Variants in ANKS1B observed in about 807,000 individuals in gnomAD.
ANKS1B encodes the protein ankyrin repeat and sterile alpha motif domain containing 1B, also known as ankyrin repeat and sterile alpha motif domain-containing protein 1B.
In ANKS1B, 36 loss-of-function variants were observed where a neutral mutation model predicts 148.3. The observed-to-expected ratio is 0.24, with a 90% CI of 0.19 to 0.32. The LOEUF (loss-of-function observed/expected upper bound fraction) is 0.32, where lower values mean the gene tolerates loss of function less well. Among genes scored for constraint, ANKS1B ranks in the 10% least tolerant of loss-of-function variants. ANKS1B has a pLI of 1.00. For missense variants in ANKS1B, 1,157 were observed against 1,542.6 expected (o/e 0.75, Z 4.19); for synonymous variants, 542 against 560.8 (o/e 0.97, Z 0.47).
chr12:99,938,664 G>A (rs2094840229), intron 1 of ANKS1B, among the ~76,000 whole-genome samples: 2 of 152,228 alleles, frequency 1.3e-5, no homozygotes, highest in Admixed American at 1.3e-4. Context: ...AACCAGAGTT[G>A]GTCACACAGC....
At chr12:99,018,395 A>G (rs930370857) in intron 17 of ANKS1B, among the ~76,000 whole-genome samples, 9 of 152,242 alleles carry the variant, frequency 5.9e-5, no homozygotes, top group South Asian at 4.1e-4. Flanking sequence ...GATTGAGACA[A>G]TCAAATATGG....
chr12:99,211,106 T>G (rs764790989), intron 14 of ANKS1B, among the ~76,000 whole-genome samples: 5 of 152,214 alleles, frequency 3.3e-5, no homozygotes, highest in Non-Finnish European at 7.3e-5. Context: ...AATGGCATGT[T>G]GACTTCAGAA....
In ANKS1B at chr12:99,631,881, AG is replaced by A. The variant is rs369323145; in HGVS notation, c.1272+23185del. 1.2e-4 allele frequency among the ~76,000 whole-genome samples: 19 copies of A among 152,350 alleles called. No individual in the cohort carries two copies. In the South Asian group the frequency reaches 2.1e-3, roughly 17 times the overall value. ...ACATAAAGAATGAAAAAATGTGTTC[AG>A]GAGAGGAAACCAAGGGTGTAGCCCA... On this transcript the variant is annotated intron_variant, in intron 9 of 26. Coordinates refer to ENST00000683438, the MANE Select transcript of ANKS1B (RefSeq NM_001352186.2).
chr12:99,542,819 T>C (rs917115355), intron 9 of ANKS1B, among the ~76,000 whole-genome samples: 16 of 151,998 alleles, frequency 1.1e-4, no homozygotes, highest in Admixed American at 9.8e-4. Context: ...CTACCTCATA[T>C]AATGTACAAA....
At chr12:99,145,847 T>G (rs2072876540) in intron 15 of ANKS1B, among the ~76,000 whole-genome samples, 1 of 152,166 alleles carries the variant, frequency 6.6e-6, no homozygotes, top group Non-Finnish European at 1.5e-5. Flanking sequence ...CTGCTGGCAA[T>G]TTTTTTAACC....
intron 16 of ANKS1B, among the ~76,000 whole-genome samples, chr12:99,060,566 T>A (rs2042057940): frequency 6.6e-6 from 1 of 152,006 alleles, no homozygotes; most frequent in Non-Finnish European, 1.5e-5. Context: ...TATTTTCTCT[T>A]AACTTTTTAG....
chr12:99,062,167 T>C (rs1159779506), intron 16 of ANKS1B, among the ~76,000 whole-genome samples: 1 of 152,208 alleles, frequency 6.6e-6, no homozygotes, highest in Non-Finnish European at 1.5e-5. Context: ...TTATTAGCTA[T>C]CTGACCTCGA....
chr12:99,270,249 C>T (rs1007111186), intron 12 of ANKS1B, among the ~76,000 whole-genome samples: 8 of 152,098 alleles, frequency 5.3e-5, no homozygotes, highest in African/African-American at 1.9e-4. Context: ...AATTGAAATG[C>T]TTTGCTCTTT....
intron 8 of ANKS1B, among the ~76,000 whole-genome samples, chr12:99,740,020 CTAGTCGG>C (rs770217706): frequency 8.5e-5 from 13 of 152,286 alleles, no homozygotes; most frequent in Non-Finnish European, 1.3e-4. Flanking sequence ...CACATAAGAA[CTAGTCGG>C]TAGCCAGGAA....
At chr12:99,031,672 C>A (rs558423107) in intron 17 of ANKS1B, among the ~76,000 whole-genome samples, 2 of 152,176 alleles carry the variant, frequency 1.3e-5, no homozygotes, top group Non-Finnish European at 2.9e-5. Context: ...AGCCACTCTG[C>A]AGTCATGAGG....
At chr12:99,753,542 T>C (rs2061303019) in intron 8 of ANKS1B, among the ~76,000 whole-genome samples, 1 of 152,096 alleles carries the variant, frequency 6.6e-6, no homozygotes, top group Non-Finnish European at 1.5e-5. Flanking sequence ...CTGGTAACAG[T>C]CTTTCCTTTT....
chr12:99,423,152 A>T (rs2095146195), intron 11 of ANKS1B, among the ~76,000 whole-genome samples: 1 of 152,190 alleles, frequency 6.6e-6, no homozygotes, highest in Non-Finnish European at 1.5e-5. Flanking sequence ...AACTGGAGAA[A>T]TTTAGGTCTG....
At chr12:99,101,285 C>T (rs569942040) in intron 15 of ANKS1B, among the ~76,000 whole-genome samples, 215 of 152,176 alleles carry the variant, frequency 1.4e-3, no homozygotes, top group Non-Finnish European at 2.6e-3. Context: ...ATTTGAAGGG[C>T]TAAAACTGGA....
At chr12:99,283,760 A>T (rs904190708) in intron 12 of ANKS1B, among the ~76,000 whole-genome samples, 1 of 152,228 alleles carries the variant, frequency 6.6e-6, no homozygotes. Context: ...TTTTATGCAC[A>T]TGTAGTTTCT....
chr12:99,700,054 AT>A (rs796597716), intron 8 of ANKS1B, among the ~76,000 whole-genome samples: 14 of 152,272 alleles, frequency 9.2e-5, no homozygotes, highest in African/African-American at 2.6e-4. Flanking sequence ...TTCATGCTTA[AT>A]TTTTTAATGT....
chr12:99,649,416 C>T, intron 9 of ANKS1B: 2 of 1,579,294 alleles, frequency 1.3e-6, no homozygotes, highest in Non-Finnish European at 1.7e-6. Context: ...ATACCTCCCA[C>T]ATATACTACG....
intron 9 of ANKS1B, among the ~76,000 whole-genome samples, chr12:99,569,108 C>T (rs1290442040): frequency 6.6e-6 from 1 of 152,214 alleles, no homozygotes; most frequent in African/African-American, 2.4e-5. Context: ...ACTACTCCAC[C>T]TCGAGTGGTT....
chr12:99,477,866 C>A (rs1275401490), intron 10 of ANKS1B, among the ~76,000 whole-genome samples: 1 of 152,050 alleles, frequency 6.6e-6, no homozygotes, highest in Non-Finnish European at 1.5e-5. Flanking sequence ...AGGGAAATTT[C>A]TCTCATAGAA....
chr12:99,319,971 G>A (rs1693758556), intron 12 of ANKS1B, among the ~76,000 whole-genome samples: 1 of 152,182 alleles, frequency 6.6e-6, no homozygotes, highest in African/African-American at 2.4e-5. Flanking sequence ...GGCTGGATAT[G>A]AAATTCTGGG....
Sources: allele counts gnomAD v4.1 joint callset (sites outside exome capture counted in the v4.1 genomes callset), GRCh38; gene constraint gnomAD v4.1.1; transcripts MANE v1.5; gene names NCBI Gene and HGNC (gene_info 2026-07-23, HGNC 2026-07-21).